The following PCGF5 variants were observed in gnomAD, a reference collection of about 807,000 sequenced individuals.
PCGF5 encodes polycomb group ring finger 5, also known as polycomb group RING finger protein 5.
Under a neutral mutation model 44.3 loss-of-function variants are expected in PCGF5, and 9 were observed. The ratio of observed to expected loss-of-function variants is 0.20; its 90% CI spans 0.12 to 0.35. PCGF5 has a LOEUF of 0.35. PCGF5 is among the 10% of genes least tolerant of loss of function. PCGF5 has a pLI of 1.00. For missense variants in PCGF5, 146 were observed against 305.3 expected, an observed-to-expected ratio of 0.48 and a Z score of 3.89; for synonymous variants, 95 against 102.5, an observed-to-expected ratio of 0.93 and a Z score of 0.44.
At chr10:91,250,751 CATGTT>C (rs1845604295) in intron 5 of PCGF5, among the ~76,000 whole-genome samples, 1 of 151,518 alleles carries the variant, frequency 6.6e-6, no homozygotes, top group South Asian at 2.1e-4. Flanking sequence ...GGAGTTGTAA[CATGTT>C]ATGTATTAAT....
intron 3 of PCGF5, among the ~76,000 whole-genome samples, chr10:91,244,523 G>A (rs886933487): frequency 5.9e-5 from 9 of 152,150 alleles, no homozygotes; most frequent in African/African-American, 2.2e-4. Flanking sequence ...GAATGAAATG[G>A]GGAGCCTCTG....
intron 1 of PCGF5, among the ~76,000 whole-genome samples, chr10:91,184,206 G>A (rs1843874925): frequency 6.6e-6 from 1 of 152,068 alleles, no homozygotes; most frequent in Non-Finnish European, 1.5e-5. Context: ...CCAGTCAGTG[G>A]TAGATTCAGT....
chr10:91,200,118 T>G (rs1844222559), intron 1 of PCGF5, among the ~76,000 whole-genome samples: 1 of 152,210 alleles, frequency 6.6e-6, no homozygotes, highest in African/African-American at 2.4e-5. Context: ...AGATGCTAAC[T>G]TCCCTGCATT....
chr10:91,239,487 T>C (rs1237496936), intron 2 of PCGF5, among the ~76,000 whole-genome samples: 1 of 152,126 alleles, frequency 6.6e-6, no homozygotes, highest in Non-Finnish European at 1.5e-5. Flanking sequence ...TAAGTAAACT[T>C]TTAGATAGTG....
At chr10:91,164,160 G>GC (rs1448544653) in intron 1 of PCGF5, among the ~76,000 whole-genome samples, 3 of 152,204 alleles carry the variant, frequency 2.0e-5, no homozygotes, top group Non-Finnish European at 4.4e-5. Context: ...AGGGAGAGTG[G>GC]CCCCTCTGCA....
intron 1 of PCGF5, among the ~76,000 whole-genome samples, chr10:91,204,657 A>C (rs905487163): frequency 2.0e-5 from 3 of 152,192 alleles, no homozygotes; most frequent in African/African-American, 7.2e-5. Flanking sequence ...AAAGAAGGAG[A>C]GCTCTGAGGA....
At chr10:91,227,142 T>TAG (rs1345201138) in intron 2 of PCGF5, among the ~76,000 whole-genome samples, 1 of 151,908 alleles carries the variant, frequency 6.6e-6, no homozygotes, top group Non-Finnish European at 1.5e-5. Context: ...CCACTGGGGG[T>TAG]AGAGTGGTAA....
intron 3 of PCGF5, among the ~76,000 whole-genome samples, chr10:91,244,370 G>A (rs945278040): frequency 6.6e-6 from 1 of 152,130 alleles, no homozygotes; most frequent in African/African-American, 2.4e-5. Flanking sequence ...TCTACGCCTT[G>A]TTGGACGACC....
chr10:91,212,433 T>A (rs993823431), intron 1 of PCGF5, among the ~76,000 whole-genome samples: 18 of 152,228 alleles, frequency 1.2e-4, no homozygotes, highest in African/African-American at 3.9e-4. Flanking sequence ...ATTTGGAGTG[T>A]CTCTTAATAG....
At chr10:91,273,880 A>G (rs1249658328) in intron 9 of PCGF5, among the ~76,000 whole-genome samples, 1 of 150,610 alleles carries the variant, frequency 6.6e-6, no homozygotes, top group Non-Finnish European at 1.5e-5. Context: ...TTTTATACAT[A>G]TATACTCTAG....
upstream of PCGF5, among the ~76,000 whole-genome samples, chr10:91,162,815 G>C (rs1223596817): frequency 6.6e-6 from 1 of 150,416 alleles, no homozygotes; most frequent in African/African-American, 2.4e-5. Flanking sequence ...GCAGCAATGC[G>C]TAAACAAACC....
At chr10:91,226,389 A>G (rs936145759) in intron 2 of PCGF5, among the ~76,000 whole-genome samples, 12 of 151,710 alleles carry the variant, frequency 7.9e-5, no homozygotes, top group Admixed American at 7.9e-4. Flanking sequence ...GAGCAGAATG[A>G]TATGCAGAAG....
intron 2 of PCGF5, chr10:91,227,576 A>G (rs1174123672): frequency 7.6e-6 from 9 of 1,179,174 alleles, no homozygotes; most frequent in Non-Finnish European, 5.3e-6. Context: ...TCAGATTCTT[A>G]TTACATCTCA....
intron 6 of PCGF5, 151 bp downstream of exon 6, chr10:91,251,591 C>A: frequency 1.3e-6 from 1 of 795,960 alleles, no homozygotes; most frequent in Non-Finnish European, 2.0e-6. Context: ...CAATCCTATG[C>A]TTAGAAATGG....
chr10:91,206,213 G>T (rs569382312), intron 1 of PCGF5, among the ~76,000 whole-genome samples: 2 of 152,150 alleles, frequency 1.3e-5, no homozygotes, highest in African/African-American at 4.8e-5. Context: ...AGCTCCTGCC[G>T]TCAAGGAGCT....
At chr10:91,273,882 A>G (rs118081073) in intron 9 of PCGF5, among the ~76,000 whole-genome samples, 1,612 of 150,750 alleles carry the variant, frequency 0.011, 17 homozygotes, top group Non-Finnish European at 0.017. Context: ...TTATACATAT[A>G]TACTCTAGGT....
At chr10:91,217,109 C>T (rs1252536814), upstream of PCGF5, among the ~76,000 whole-genome samples, 3 of 152,124 alleles carry the variant, frequency 2.0e-5, no homozygotes, top group Non-Finnish European at 4.4e-5. Context: ...TCTTGGCTCA[C>T]TGCAAGTTCC....
chr10:91,188,360 C>G (rs1311834236), intron 1 of PCGF5, among the ~76,000 whole-genome samples: 1 of 152,118 alleles, frequency 6.6e-6, no homozygotes, highest in East Asian at 1.9e-4. Flanking sequence ...TCTATTGGCT[C>G]TAAAATCATA....
chr10:91,265,429 T>C (rs1564655833), intron 8 of PCGF5, among the ~76,000 whole-genome samples: 1 of 152,276 alleles, frequency 6.6e-6, no homozygotes, highest in East Asian at 1.9e-4. Context: ...TAAGATTATC[T>C]TTTGGACATT....
Sources: gnomAD v4.1 joint callset for allele counts (sites outside exome capture counted in the v4.1 genomes callset) on GRCh38, gnomAD v4.1.1 for gene constraint, MANE v1.5 for transcripts, NCBI Gene and HGNC (gene_info 2026-07-23, HGNC 2026-07-21) for gene names.